The following ATM variants were observed in gnomAD, a reference collection of about 807,000 sequenced individuals.
ATM encodes ATM serine/threonine kinase, also known as serine-protein kinase ATM.
In ATM, 308 loss-of-function variants were observed where a neutral mutation model predicts 387.0. The observed-to-expected ratio is 0.80, with a 90% CI of 0.73 to 0.87. The LOEUF (loss-of-function observed/expected upper bound fraction) is 0.87, where lower values mean the gene tolerates loss of function less well. Among genes scored for constraint, ATM ranks in the 40% least tolerant of loss-of-function variants. The probability of loss-of-function intolerance (pLI) is 0.00; values close to 1 mark genes in which losing one functional copy is unlikely to be tolerated. For missense variants in ATM, 3,312 were observed against 3,560.9 expected (o/e 0.93, Z 1.78); for synonymous variants, 1,156 against 1,187.3 (o/e 0.97, Z 0.54).
chr11:108,234,434 G>A (rs892605722), intron 4 of ATM, among the ~76,000 whole-genome samples: 3 of 152,188 alleles, frequency 2.0e-5, no homozygotes, highest in Non-Finnish European at 2.9e-5. Flanking sequence ...TACTGAAAAT[G>A]ATAATTAAAT....
At chr11:108,247,696 A>G (rs2079922909) in intron 8 of ATM, among the ~76,000 whole-genome samples, 1 of 152,082 alleles carries the variant, frequency 6.6e-6, no homozygotes, top group Admixed American at 6.6e-5. Context: ...CCCGGGTTCA[A>G]GTGATTCTCC....
rs375468053 is a variant in ATM at position 108,262,315 on chromosome 11, T to G, written c.2466+3240T>G. On this transcript the variant is annotated intron_variant, in intron 16 of 62. Coordinates refer to ENST00000675843, the MANE Select transcript of ATM (RefSeq NM_000051.4). Reference sequence around the variant, plus strand: ...AGAAACTCTACAAGCCAGAAGAGAGTGGGGGCCAATATTCAACATTCTTAA... The same window carrying G: ...AGAAACTCTACAAGCCAGAAGAGAGGGGGGGCCAATATTCAACATTCTTAA... Among the ~76,000 whole-genome samples the G allele has an allele frequency of 1.6e-4, 24 of 152,002 alleles. 1 individual carries two copies. In the East Asian group the frequency reaches 4.3e-3, roughly 27 times the overall value.
chr11:108,316,753 CAAAAAAAA>C lies in ATM; in HGVS notation c.6199-604_6199-597del, dbSNP rs58165074. Among the ~76,000 whole-genome samples the C allele has an allele frequency of 8.7e-3, 627 of 72,430 alleles. 5 individuals carry two copies. The highest frequency in any genetic ancestry group is 0.022 in the East Asian group (51 of 2,290). 47.5% of individuals were successfully genotyped at this position (72,430 alleles called of 152,430 possible). The stretch of plus-strand genomic sequence containing the variant: ...TGAAACCCCGTCTCTACTAAAAATA[CAAAAAAAA>C]AAAAAAAAAAAAAAATTAGCCGGGT... On this transcript the variant is annotated intron_variant, in intron 42 of 62. Coordinates refer to ENST00000675843, the MANE Select transcript of ATM (RefSeq NM_000051.4).
chr11:108,279,427 A>G lies in ATM; in HGVS notation c.3285-64A>G, dbSNP rs2082108459. 4.3e-6 allele frequency: 5 copies of G among 1,158,078 alleles called. 1 individual carries two copies. The highest frequency in any genetic ancestry group is 3.8e-4 in the Middle Eastern group (2 of 5,222). The allele number at this position is 1,158,078 out of a possible 1,614,324, so 71.7% of individuals were successfully genotyped here. On this transcript the variant is annotated intron_variant, in intron 22 of 62. Coordinates refer to ENST00000675843, the MANE Select transcript of ATM (RefSeq NM_000051.4). ...TTTTGTTCTGGAATATGCTTTGGAA[A>G]GTAGGGTTTGAAATTAGAAAATTAT...
At chr11:108,358,559 C>T (rs2090322753) in intron 61 of ATM, among the ~76,000 whole-genome samples, 1 of 125,960 alleles carries the variant, frequency 7.9e-6, no homozygotes, top group African/African-American at 3.0e-5. Flanking sequence ...GGTCGGGTTA[C>T]CCTCAAAGGG....
At chr11:108,247,326 G>T (rs1400749722) in intron 8 of ATM, among the ~76,000 whole-genome samples, 199 bp downstream of exon 8, 1 of 152,094 alleles carries the variant, frequency 6.6e-6, no homozygotes, top group Admixed American at 6.5e-5. Context: ...GCAGATATTT[G>T]AAAACTAACA....
chr11:108,261,157 G>T (rs1310302696), intron 16 of ATM, among the ~76,000 whole-genome samples: 1 of 152,246 alleles, frequency 6.6e-6, no homozygotes, highest in Admixed American at 6.5e-5. Context: ...AGGCCTGCCT[G>T]CCTCTGTAGG....
At position 108,250,949 on chromosome 11, in the gene ATM, T is replaced by G; in HGVS notation, c.1484T>G (p.Ile495Arg). The stretch of plus-strand genomic sequence containing the variant: ...ATTTGGTGTATTACCTTTCGTGGTA[T>G]AAGTTCTGAGCAAATACAAGCTGAA... ...NKIWCITFRG[I>R]SSEQIQAENF... The change falls in exon 10 of 63, where the codon ATA (isoleucine) becomes AGA (arginine). Residue 495 changes from isoleucine (I) to arginine (R), a missense_variant. Around this residue, in one of 4 missense-constraint regions of ATM, gnomAD observed 1,791 missense variants for 1,804.5 expected, o/e 0.99. Coordinates refer to ENST00000675843, the MANE Select transcript of ATM (RefSeq NM_000051.4). 5 of 1,614,230 alleles carry G rather than the reference T, an allele frequency of 3.1e-6. No homozygotes were observed. Among genetic ancestry groups the G allele is most frequent in the Non-Finnish European group, 4.2e-6 (5 of 1,180,042 alleles).
In ATM at chr11:108,366,735, C is replaced by T. The variant is rs187308124; in HGVS notation, c.*1227C>T. On this transcript the variant is annotated 3_prime_UTR_variant, in exon 63 of 63. Transcript: ENST00000675843. ...GGCCAAGGCAAACACACTTCCTCCT[C>T]ATCTCCTTGTGCTAGTGGGCAGAAT... is the stretch of plus-strand genomic sequence containing the variant. 2.2e-5 allele frequency: 5 copies of T among 231,190 alleles called. No individual in the cohort carries two copies. The East Asian group carries it at 3.1e-4, about 14-fold the overall frequency. The allele number at this position is 231,190 out of a possible 1,614,324, so 14.3% of individuals were successfully genotyped here. A position where few individuals can be genotyped will look rare whatever the true frequency, so the allele number is the denominator to read the frequency against.
chr11:108,278,775 A>G (rs574633415), intron 22 of ATM, among the ~76,000 whole-genome samples: 33 of 152,224 alleles, frequency 2.2e-4, no homozygotes, highest in African/African-American at 7.9e-4. Flanking sequence ...GCCTTAATCT[A>G]TTCGTGAGGG....
chr11:108,268,042 G>A (rs1180627189), intron 17 of ATM, among the ~76,000 whole-genome samples: 1 of 152,056 alleles, frequency 6.6e-6, no homozygotes, highest in Non-Finnish European at 1.5e-5. Flanking sequence ...ATTTTTCCAG[G>A]TAGTTGCTTT....
At chr11:108,327,557 T>C in intron 47 of ATM, 88 bp from the exon 48 acceptor site, 3 of 1,111,736 alleles carry the variant, frequency 2.7e-6, no homozygotes, top group Non-Finnish European at 4.0e-6. Flanking sequence ...AAAACATTTT[T>C]AACCTGCTTT....
chr11:108,252,744 G>T (rs1016285780), intron 11 of ATM, 73 bp from the exon 12 acceptor site: 2 of 1,014,526 alleles, frequency 2.0e-6, no homozygotes, highest in African/African-American at 3.2e-5. Flanking sequence ...AGCTAAACAT[G>T]GATGTTAAAG....
intron 61 of ATM, among the ~76,000 whole-genome samples, chr11:108,356,866 TTTTGAGTC>T (rs2090000633): frequency 6.6e-6 from 1 of 152,076 alleles, no homozygotes; most frequent in African/African-American, 2.4e-5. Flanking sequence ...TGAGTGAGGG[TTTTGAGTC>T]TGAAAAGTGA....
chr11:108,240,783 T>C (rs1157961589), intron 5 of ATM, among the ~76,000 whole-genome samples: 1 of 152,216 alleles, frequency 6.6e-6, no homozygotes, highest in Non-Finnish European at 1.5e-5. Context: ...GGATACTATA[T>C]ACTACTGTAG....
chr11:108,273,328 A>ATTTTTTT (rs2081718897), intron 22 of ATM, among the ~76,000 whole-genome samples: 1 of 106,404 alleles, frequency 9.4e-6, no homozygotes, highest in African/African-American at 4.2e-5. Context: ...TATTAATTTC[A>ATTTTTTT]TTCTTTTTTT....
rs1555139556 is a variant in ATM, at chr11:108,347,310, T to A, written c.8616T>A (p.His2872Gln). 6.2e-7 allele frequency: 1 copy of A among 1,611,786 alleles called. No homozygotes were observed. Residue 2872 changes from histidine to glutamine, a missense_variant, in exon 59 of 63, where the codon CAT becomes CAA. Coordinates refer to ENST00000675843, the MANE Select transcript of ATM (RefSeq NM_000051.4). ...ACATACTTGGACTTGGTGATAGACATGTACAGAATATCTTGATAAATGAGC... is the reference window on the plus strand; with the variant it reads ...ACATACTTGGACTTGGTGATAGACAAGTACAGAATATCTTGATAAATGAGC... ...VGYILGLGDR[H>Q]VQNILINEQS...
intron 8 of ATM, 44 bp downstream of exon 8, chr11:108,247,171 T>C (rs913871204): frequency 6.9e-7 from 1 of 1,449,948 alleles, no homozygotes; most frequent in African/African-American, 1.4e-5. Context: ...TTCCTGTTAA[T>C]TTTTTTTTTA....
At chr11:108,313,250 T>C (rs1468734241) in intron 40 of ATM, among the ~76,000 whole-genome samples, 1 of 152,230 alleles carries the variant, frequency 6.6e-6, no homozygotes. Flanking sequence ...CTCTGAACTA[T>C]GTTCTGAACA....
Sources: gnomAD v4.1 joint callset for allele counts (sites outside exome capture counted in the v4.1 genomes callset) on GRCh38, gnomAD v4.1.1 for gene constraint, gnomAD v4.1.1 regional missense constraint, MANE v1.5 for transcripts, NCBI Gene and HGNC (gene_info 2026-07-23, HGNC 2026-07-21) for gene names.